TENM2: variants seen among roughly 807,000 people sequenced by gnomAD.
The protein encoded by TENM2 is teneurin-2.
TENM2 carries 52 observed loss-of-function variants against 245.2 expected under a neutral mutation model. The observed-to-expected ratio is 0.21, with a 90% CI of 0.17 to 0.27. TENM2 has a LOEUF of 0.27. TENM2 is among the 10% of genes least tolerant of loss of function. The probability of loss-of-function intolerance (pLI) is 1.00; values close to 1 mark genes in which losing one functional copy is unlikely to be tolerated. For missense variants in TENM2, 3,046 were observed against 3,666.8 expected (o/e 0.83, Z 4.37); for synonymous variants, 1,363 against 1,438.9 (o/e 0.95, Z 1.19).
At chr5:167,623,061 A>G (rs1778274393) in intron 2 of TENM2, among the ~76,000 whole-genome samples, 2 of 152,112 alleles carry the variant, frequency 1.3e-5, no homozygotes, top group Non-Finnish European at 2.9e-5. Context: ...CTCACCCCCA[A>G]ATAAAATGTT....
chr5:167,239,189 G>A, the TENM2 span, among the ~76,000 whole-genome samples: 1 of 152,182 alleles, frequency 6.6e-6, no homozygotes, highest in Non-Finnish European at 1.5e-5. Flanking sequence ...AAGTTATAAT[G>A]TCGAATGTCA....
the TENM2 span, among the ~76,000 whole-genome samples, chr5:167,101,869 A>ATATATATATATATATATATATATATG: frequency 5.1e-4 from 64 of 125,726 alleles, 1 homozygote; most frequent in South Asian, 8.3e-4. Context: ...ATATATATAT[A>ATATATATATATATATATATATATATG]TATATATGCA....
chr5:167,262,217 G>A, the TENM2 span, among the ~76,000 whole-genome samples: 4 of 152,108 alleles, frequency 2.6e-5, no homozygotes, highest in African/African-American at 9.7e-5. Flanking sequence ...AATTAGCCTG[G>A]GGTGGTGGCA....
chr5:168,190,443 C>T (rs1420479703), exon 14 of TENM2: 1 of 1,613,960 alleles, frequency 6.2e-7, no homozygotes, highest in South Asian at 1.1e-5. Flanking sequence ...TTCAGCAGGG[C>T]CAGACGGATT....
intron 3 of TENM2, among the ~76,000 whole-genome samples, chr5:167,909,545 T>G (rs1204700741): frequency 6.6e-6 from 1 of 152,264 alleles, no homozygotes; most frequent in Non-Finnish European, 1.5e-5. Context: ...TCATTAATTC[T>G]TATTTGTCAG....
chr5:167,562,495 T>C (rs1773656649), intron 2 of TENM2, among the ~76,000 whole-genome samples: 1 of 152,160 alleles, frequency 6.6e-6, no homozygotes, highest in Admixed American at 6.5e-5. Flanking sequence ...GTCACGTCTG[T>C]TCTGCACTAA....
chr5:167,238,667 C>T, the TENM2 span, among the ~76,000 whole-genome samples: 1 of 148,098 alleles, frequency 6.8e-6, no homozygotes, highest in East Asian at 2.0e-4. Context: ...GATAAGTTGG[C>T]CTTCTGTCCT....
intron 13 of TENM2, among the ~76,000 whole-genome samples, chr5:168,183,103 T>C (rs1259005487): frequency 2.0e-5 from 3 of 152,164 alleles, no homozygotes; most frequent in Non-Finnish European, 2.9e-5. Context: ...GTGCTGGGAT[T>C]ACAGGCGTGA....
chr5:167,173,012 A>G, the TENM2 span, among the ~76,000 whole-genome samples: 1 of 152,316 alleles, frequency 6.6e-6, no homozygotes, highest in African/African-American at 2.4e-5. Context: ...CACATCCGTT[A>G]CCCAAACTCT....
At chr5:167,086,598 C>T in the TENM2 span, among the ~76,000 whole-genome samples, 2 of 151,878 alleles carry the variant, frequency 1.3e-5, no homozygotes, top group Non-Finnish European at 2.9e-5. Context: ...TTTTTTTAAA[C>T]GTAATTGGGA....
At chr5:167,450,893 A>T (rs1199921488) in intron 2 of TENM2, among the ~76,000 whole-genome samples, 1 of 152,226 alleles carries the variant, frequency 6.6e-6, no homozygotes, top group South Asian at 2.1e-4. Context: ...TATTAATATC[A>T]CATCATATTT....
the TENM2 span, chr5:167,168,104 G>T: frequency 6.6e-6 from 1 of 152,220 alleles, no homozygotes; most frequent in Non-Finnish European, 1.5e-5. Context: ...CATGCTGACA[G>T]TAGATGCCGC....
chr5:167,198,565 C>G, the TENM2 span, among the ~76,000 whole-genome samples: 1 of 152,060 alleles, frequency 6.6e-6, no homozygotes. Context: ...TAAAAACAAA[C>G]AGTAGATCAA....
intron 25 of TENM2, among the ~76,000 whole-genome samples, chr5:168,241,421 A>AT (rs752333194): frequency 0.11 from 14,120 of 133,078 alleles, 894 homozygotes; most frequent in African/African-American, 0.17. Context: ...TGCTTGGCTA[A>AT]TTTTTTTTTT....
the TENM2 span, among the ~76,000 whole-genome samples, chr5:167,225,781 A>G: frequency 1.3e-5 from 2 of 151,954 alleles, no homozygotes; most frequent in Non-Finnish European, 2.9e-5. Flanking sequence ...TCATTAGTGA[A>G]TGTATCCAGT....
rs140830615 is a variant in TENM2, at chr5:167,493,178, C to G, written c.502+117705C>G. On this transcript the variant is annotated intron_variant, in intron 2 of 28. Coordinates refer to ENST00000518659, the Ensembl canonical transcript of TENM2. ...CGTGTAATCCAGCACTTTAGAAGGC[C>G]AAAGCAGAAGGATTCCTTGAGCCCA... is the stretch of plus-strand genomic sequence containing the variant. Among the ~76,000 whole-genome samples, 643 of 151,928 alleles carry G rather than the reference C, an allele frequency of 4.2e-3. 7 individuals are homozygous for G. The highest frequency in any genetic ancestry group is 0.015 in the African/African-American group (607 of 41,426).
intron 2 of TENM2, among the ~76,000 whole-genome samples, chr5:167,708,705 C>G (rs940915057): frequency 1.3e-5 from 2 of 152,124 alleles, no homozygotes; most frequent in Non-Finnish European, 2.9e-5. Context: ...CAGCCTCTCC[C>G]CCTCTGCCTG....
At chr5:167,723,171 A>C (rs1422979552) in intron 2 of TENM2, among the ~76,000 whole-genome samples, 1 of 152,150 alleles carries the variant, frequency 6.6e-6, no homozygotes, top group East Asian at 1.9e-4. Context: ...TGGCTAAGGA[A>C]AGAGTTAGGA....
At position 168,213,446 on chromosome 5, in the gene TENM2, A is replaced by G. The variant is rs1762937834; in HGVS notation, c.3846-1594A>G. ...TTTACTAGCTAATGTCAACAGGACA[A>G]ATGCATCCAATGCTGTCATCTCTCT... On this transcript the variant is annotated intron_variant, in intron 20 of 28. Transcript: ENST00000518659. Among the ~76,000 whole-genome samples the G allele has an allele frequency of 2.0e-5, 3 of 152,126 alleles. No individual in the cohort carries two copies. In the South Asian group the frequency reaches 6.2e-4, roughly 32 times the overall value.
Sources: gnomAD v4.1 joint callset for allele counts (sites outside exome capture counted in the v4.1 genomes callset) on GRCh38, gnomAD v4.1.1 for gene constraint, MANE v1.5 for transcripts, NCBI Gene and HGNC (gene_info 2026-07-23, HGNC 2026-07-21) for gene names.